Variants in SHISA9 observed in about 807,000 individuals in gnomAD.
SHISA9 encodes shisa family member 9.
Under a neutral mutation model 38.0 loss-of-function variants are expected in SHISA9, and 13 were observed. That is an observed-to-expected ratio of 0.34 (90% CI 0.22 to 0.54). SHISA9 has a LOEUF of 0.54. SHISA9 is among the 20% of genes least tolerant of loss of function. The probability of loss-of-function intolerance (pLI) is 0.91; values close to 1 mark genes in which losing one functional copy is unlikely to be tolerated. For synonymous variants in SHISA9, 275 were observed against 242.0 expected, an observed-to-expected ratio of 1.14 and a Z score of -1.27; for missense variants, 538 against 575.8, an observed-to-expected ratio of 0.93 and a Z score of 0.67.
At chr16:13,320,371 A>G in the SHISA9 span, among the ~76,000 whole-genome samples, 1 of 150,964 alleles carries the variant, frequency 6.6e-6, no homozygotes, top group Non-Finnish European at 1.5e-5. Context: ...GCAAGTTCCA[A>G]TTCAGGTTTC....
At chr16:13,384,388 C>T in the SHISA9 span, among the ~76,000 whole-genome samples, 3 of 152,162 alleles carry the variant, frequency 2.0e-5, no homozygotes, top group Non-Finnish European at 2.9e-5. Context: ...TCTCTCTGGC[C>T]AGGTGATCCC....
chr16:13,126,113 G>C (rs185011577), intron 2 of SHISA9, among the ~76,000 whole-genome samples: 2 of 152,186 alleles, frequency 1.3e-5, no homozygotes, highest in African/African-American at 4.8e-5. Flanking sequence ...TAGCCTATTG[G>C]AAACTCAGTG....
chr16:13,052,566 C>G (rs77704744), intron 2 of SHISA9, among the ~76,000 whole-genome samples: 2,027 of 152,276 alleles, frequency 0.013, 59 homozygotes, highest in African/African-American at 0.046. Flanking sequence ...TGAACCCAAT[C>G]TATGGCAGAA....
chr16:12,993,933 G>T (rs2072423117), intron 2 of SHISA9, among the ~76,000 whole-genome samples: 1 of 152,086 alleles, frequency 6.6e-6, no homozygotes, highest in Non-Finnish European at 1.5e-5. Context: ...AGAGTTAGGG[G>T]GACCTGAAGG....
chr16:13,243,780 T>C (rs562123538), downstream of SHISA9, among the ~76,000 whole-genome samples: 3 of 146,684 alleles, frequency 2.0e-5, no homozygotes, highest in Non-Finnish European at 4.5e-5. Context: ...TTTTTTTTTT[T>C]TTTTTTTTTT....
At chr16:12,956,911 C>G (rs1391105349) in intron 2 of SHISA9, among the ~76,000 whole-genome samples, 1 of 151,918 alleles carries the variant, frequency 6.6e-6, no homozygotes, top group African/African-American at 2.4e-5. Flanking sequence ...ATATATGAAA[C>G]CTAGATAAAG....
At chr16:13,437,864 CT>C in the SHISA9 span, among the ~76,000 whole-genome samples, 18,944 of 104,328 alleles carry the variant, frequency 0.18, 1,186 homozygotes, top group Non-Finnish European at 0.2. Context: ...CTTTTTTTTT[CT>C]TTTTTTTTTT....
chr16:13,109,159 C>G (rs7194503), intron 2 of SHISA9, among the ~76,000 whole-genome samples: 6 of 151,990 alleles, frequency 3.9e-5, no homozygotes, highest in African/African-American at 1.5e-4. Context: ...CCTGAGTAGC[C>G]GAGACTACAG....
chr16:12,903,278 GCCA>G (rs556071969), intron 1 of SHISA9, among the ~76,000 whole-genome samples: 1 of 152,270 alleles, frequency 6.6e-6, no homozygotes, highest in South Asian at 2.1e-4. Flanking sequence ...CCTTTCTCTG[GCCA>G]CCACTTCTCC....
At chr16:12,940,528 A>C (rs925442226) in intron 2 of SHISA9, among the ~76,000 whole-genome samples, 1 of 152,048 alleles carries the variant, frequency 6.6e-6, no homozygotes, top group Non-Finnish European at 1.5e-5. Context: ...TGTGCGGTCC[A>C]ACCCTAGCCA....
chr16:13,518,722 A>G, the SHISA9 span, among the ~76,000 whole-genome samples: 10 of 152,214 alleles, frequency 6.6e-5, no homozygotes, highest in Non-Finnish European at 1.3e-4. Context: ...TATTGAAATA[A>G]TACTCTTAGT....
intron 2 of SHISA9, among the ~76,000 whole-genome samples, chr16:13,103,396 A>G (rs1229586557): frequency 1.3e-5 from 2 of 152,222 alleles, no homozygotes; most frequent in East Asian, 3.9e-4. Flanking sequence ...TCTGAGATGA[A>G]TTATTGCACA....
chr16:13,544,270 TTATC>T, the SHISA9 span, among the ~76,000 whole-genome samples: 7 of 148,652 alleles, frequency 4.7e-5, no homozygotes, highest in Non-Finnish European at 8.9e-5. Flanking sequence ...ATATGTATCT[TTATC>T]TATATATCTT....
chr16:13,240,778 T>C (rs2051429300), downstream of SHISA9, among the ~76,000 whole-genome samples: 1 of 152,200 alleles, frequency 6.6e-6, no homozygotes, highest in Non-Finnish European at 1.5e-5. Context: ...GACACAAATA[T>C]TGAAAGGATG....
the SHISA9 span, among the ~76,000 whole-genome samples, chr16:13,365,939 A>G: frequency 6.6e-6 from 1 of 152,354 alleles, no homozygotes; most frequent in African/African-American, 2.4e-5. Context: ...GAATGATTCT[A>G]TAGCTCAGTA....
intron 2 of SHISA9, among the ~76,000 whole-genome samples, chr16:13,045,213 C>G (rs928333101): frequency 1.3e-5 from 2 of 152,206 alleles, no homozygotes; most frequent in Non-Finnish European, 2.9e-5. Context: ...AATGGCCAAA[C>G]TTCATCTGGA....
chr16:13,536,742 A>G, the SHISA9 span, among the ~76,000 whole-genome samples: 1 of 152,242 alleles, frequency 6.6e-6, no homozygotes, highest in South Asian at 2.1e-4. Flanking sequence ...TACCATAGAT[A>G]TAGCTACAGA....
the SHISA9 span, among the ~76,000 whole-genome samples, chr16:13,468,049 T>C: frequency 6.6e-6 from 1 of 152,242 alleles, no homozygotes; most frequent in South Asian, 2.1e-4. Context: ...ACCATTAGAC[T>C]GAGAGGGTTT....
At chr16:13,166,780 G>A (rs1217775978) in intron 2 of SHISA9, among the ~76,000 whole-genome samples, 2 of 152,172 alleles carry the variant, frequency 1.3e-5, no homozygotes, top group African/African-American at 4.8e-5. Flanking sequence ...TGTGGGCAAA[G>A]AAGCCAGACC....
Sources: allele counts gnomAD v4.1 joint callset (sites outside exome capture counted in the v4.1 genomes callset), GRCh38; gene constraint gnomAD v4.1.1; transcripts MANE v1.5; gene names NCBI Gene and HGNC (gene_info 2026-07-23, HGNC 2026-07-21).